The following GPD2 variants were observed in gnomAD, a reference collection of about 807,000 sequenced individuals.
GPD2 encodes glycerol-3-phosphate dehydrogenase 2, also known as glycerol-3-phosphate dehydrogenase, mitochondrial.
Under a neutral mutation model 82.4 loss-of-function variants are expected in GPD2, and 54 were observed. The ratio of observed to expected loss-of-function variants is 0.66; its 90% confidence interval spans 0.53 to 0.82. GPD2 has a LOEUF of 0.82. Among genes scored for constraint, GPD2 ranks in the 40% least tolerant of loss-of-function variants. GPD2 has a pLI of 0.00. For synonymous variants in GPD2, 288 were observed against 306.1 expected, an observed-to-expected ratio of 0.94 and a Z score of 0.62; for missense variants, 748 against 896.2, an observed-to-expected ratio of 0.83 and a Z score of 2.11.
intron 1 of GPD2, among the ~76,000 whole-genome samples, chr2:156,460,496 T>G (rs1682952351): frequency 6.6e-6 from 1 of 152,338 alleles, no homozygotes; most frequent in South Asian, 2.1e-4. Context: ...TGTTGGAAAT[T>G]TATACTCAGC....
At chr2:156,451,878 G>A (rs1175315952) in intron 1 of GPD2, among the ~76,000 whole-genome samples, 4 of 150,852 alleles carry the variant, frequency 2.7e-5, no homozygotes, top group Non-Finnish European at 5.9e-5. Flanking sequence ...CTTCTCAGAC[G>A]GGGCGGCCGG....
At chr2:156,580,356 T>A (rs1219841548) in intron 16 of GPD2, among the ~76,000 whole-genome samples, 1 of 152,228 alleles carries the variant, frequency 6.6e-6, no homozygotes, top group African/African-American at 2.4e-5. Context: ...AATTGTTAAT[T>A]TATTCAAGGC....
the GPD2 span, among the ~76,000 whole-genome samples, chr2:156,411,550 A>G: frequency 6.6e-6 from 1 of 152,116 alleles, no homozygotes; most frequent in East Asian, 1.9e-4. Flanking sequence ...TCCTGACCTC[A>G]TGTGATCCAC....
At chr2:156,446,684 C>G (rs1052275303) in intron 1 of GPD2, among the ~76,000 whole-genome samples, 2 of 151,932 alleles carry the variant, frequency 1.3e-5, no homozygotes, top group African/African-American at 4.8e-5. Context: ...AAGCCTCAGC[C>G]TCCAGAGTAG....
In GPD2 at chr2:156,568,927, A is replaced by G; in HGVS notation, c.1268A>G (p.Asp423Gly). Residue 423 changes from aspartate (D) to glycine (G), a missense_variant, in exon 10 of 17, where the codon GAT becomes GGT. This residue lies in a region of GPD2 where 692 missense variants were observed against 809.7 expected (regional missense o/e 0.85). Coordinates refer to ENST00000438166, the MANE Select transcript of GPD2 (RefSeq NM_000408.5). ...TCTATCTCCCGAAATCATGTTGTTG[A>G]TATCAGTGAGAGTGGCCTTATTACT... ...TQSISRNHVV[D>G]ISESGLITIA... 1 of 1,611,472 alleles carries G rather than the reference A, an allele frequency of 6.2e-7. No individual in the cohort carries two copies. Among genetic ancestry groups the G allele is most frequent in the South Asian group, 1.1e-5 (1 of 91,012 alleles).
intron 13 of GPD2, 73 bp downstream of exon 13, chr2:156,571,365 T>C (rs1430969948): frequency 2.1e-6 from 2 of 942,026 alleles, no homozygotes; most frequent in Non-Finnish European, 3.1e-6. Flanking sequence ...TAGTAGAAGC[T>C]AGCGTAGTTT....
chr2:156,512,181 T>A, intron 4 of GPD2, 39 bp from the exon 5 acceptor site: 1 of 955,636 alleles, frequency 1.0e-6, no homozygotes, highest in Non-Finnish European at 1.7e-6. Context: ...TATTATGATC[T>A]GTTACTGCCA....
intron 2 of GPD2, among the ~76,000 whole-genome samples, chr2:156,485,701 C>T (rs1683912979): frequency 6.6e-6 from 1 of 152,158 alleles, no homozygotes; most frequent in Non-Finnish European, 1.5e-5. Flanking sequence ...CTGCAATTAC[C>T]CAGGAACCTA....
chr2:156,468,799 T>TG (rs1330226012), intron 1 of GPD2, among the ~76,000 whole-genome samples: 4 of 152,212 alleles, frequency 2.6e-5, no homozygotes, highest in African/African-American at 9.6e-5. Flanking sequence ...TCAGGGTAAA[T>TG]GGGTATCCAT....
the GPD2 span, among the ~76,000 whole-genome samples, chr2:156,403,706 G>T: frequency 4.6e-5 from 7 of 151,734 alleles, no homozygotes; most frequent in African/African-American, 1.7e-4. Context: ...CTGTTCTATA[G>T]ATAATCAATA....
At chr2:156,482,424 T>TTTA (rs1683766719) in intron 2 of GPD2, among the ~76,000 whole-genome samples, 1 of 152,214 alleles carries the variant, frequency 6.6e-6, no homozygotes, top group Admixed American at 6.5e-5. Context: ...GCATACTTGA[T>TTTA]TTATATAACT....
chr2:156,566,834 G>A (rs766241211), intron 9 of GPD2, among the ~76,000 whole-genome samples: 1 of 152,012 alleles, frequency 6.6e-6, no homozygotes, highest in Non-Finnish European at 1.5e-5. Context: ...TGTACAGGGG[G>A]TTCAGTTTCT....
At position 156,513,453 on chromosome 2, in the gene GPD2, G is replaced by A. The variant is rs1268574854; in HGVS notation, c.618G>A (p.Met206Ile). ...SKSRALEHFPMLQKDKLVGAI... is the reference protein window; with the variant it reads ...SKSRALEHFPILQKDKLVGAI... Reference sequence around the variant, plus strand: ...CAAGAGCCCTTGAACATTTCCCAATGCTCCAGAAGGACAAACTGGTAGGAG... The same window carrying A: ...CAAGAGCCCTTGAACATTTCCCAATACTCCAGAAGGACAAACTGGTAGGAG... The change falls in exon 6 of 17, where the codon ATG becomes ATA. Residue 206 changes from methionine to isoleucine, a missense_variant. Coordinates refer to ENST00000438166, the MANE Select transcript of GPD2 (RefSeq NM_000408.5). 6.2e-7 allele frequency: 1 copy of A among 1,612,664 alleles called. No homozygotes were observed. Among genetic ancestry groups the A allele is most frequent in the East Asian group, 2.2e-5 (1 of 44,832 alleles).
chr2:156,409,219 G>A, the GPD2 span, among the ~76,000 whole-genome samples: 1 of 152,198 alleles, frequency 6.6e-6, no homozygotes, highest in Non-Finnish European at 1.5e-5. Flanking sequence ...GGTGATACTT[G>A]TTATTGGCAG....
At chr2:156,508,455 T>C (rs1684864670) in intron 3 of GPD2, among the ~76,000 whole-genome samples, 1 of 151,996 alleles carries the variant, frequency 6.6e-6, no homozygotes, top group Non-Finnish European at 1.5e-5. Flanking sequence ...TACTATGCAG[T>C]TGGGATTACT....
At chr2:156,438,904 A>C (rs1255481550) in intron 1 of GPD2, among the ~76,000 whole-genome samples, 8 of 152,224 alleles carry the variant, frequency 5.3e-5, no homozygotes, top group African/African-American at 9.6e-5. Context: ...TCATTTTTCC[A>C]GTGGTAGGAT....
At chr2:156,484,701 A>T (rs1400132757) in intron 2 of GPD2, among the ~76,000 whole-genome samples, 1 of 151,980 alleles carries the variant, frequency 6.6e-6, no homozygotes, top group Non-Finnish European at 1.5e-5. Flanking sequence ...TTAGCCGGGC[A>T]TGGTGGTGGA....
At chr2:156,401,232 C>G in the GPD2 span, among the ~76,000 whole-genome samples, 9 of 152,292 alleles carry the variant, frequency 5.9e-5, no homozygotes, top group East Asian at 9.6e-4. Flanking sequence ...AGCAAATGTG[C>G]TTTTCTATTG....
intron 3 of GPD2, among the ~76,000 whole-genome samples, chr2:156,500,914 C>T (rs1684565866): frequency 6.6e-6 from 1 of 152,186 alleles, no homozygotes; most frequent in Admixed American, 6.5e-5. Context: ...ATAGAAATTG[C>T]TTCACTCTTT....
Sources: gnomAD v4.1 joint callset for allele counts (sites outside exome capture counted in the v4.1 genomes callset) on GRCh38, gnomAD v4.1.1 for gene constraint, gnomAD v4.1.1 regional missense constraint, MANE v1.5 for transcripts, NCBI Gene and HGNC (gene_info 2026-07-23, HGNC 2026-07-21) for gene names.